The following CWC27 variants were observed in gnomAD, a reference collection of about 807,000 sequenced individuals.
CWC27 encodes spliceosome-associated protein CWC27 homolog.
A neutral mutation model predicts 63.6 loss-of-function variants in CWC27; 47 were observed. That is an observed-to-expected ratio of 0.74 (90% CI 0.58 to 0.94). The LOEUF is 0.94. CWC27 is among the 40% of genes least tolerant of loss of function. The pLI is 0.00. For missense variants in CWC27, 495 were observed against 554.3 expected (o/e 0.89, Z 1.07); for synonymous variants, 175 against 179.8 (o/e 0.97, Z 0.22).
At chr5:65,016,145 T>C (rs1237014269) in intron 13 of CWC27, among the ~76,000 whole-genome samples, 1 of 152,212 alleles carries the variant, frequency 6.6e-6, no homozygotes, top group Non-Finnish European at 1.5e-5. Flanking sequence ...TTGTCTTACT[T>C]TCAGAAGCTA....
At chr5:64,893,518 A>G (rs577794492) in intron 11 of CWC27, among the ~76,000 whole-genome samples, 2 of 152,344 alleles carry the variant, frequency 1.3e-5, no homozygotes, top group East Asian at 3.9e-4. Context: ...CAAATTCTGC[A>G]CATAAACTCC....
At chr5:64,837,878 C>T (rs1179447025) in intron 10 of CWC27, among the ~76,000 whole-genome samples, 1 of 152,040 alleles carries the variant, frequency 6.6e-6, no homozygotes, top group Admixed American at 6.6e-5. Context: ...CTTCAGAAGA[C>T]GTTTTAACCT....
At chr5:64,777,063 A>G (rs1171692623) in intron 2 of CWC27, among the ~76,000 whole-genome samples, 4 of 152,126 alleles carry the variant, frequency 2.6e-5, no homozygotes, top group Non-Finnish European at 5.9e-5. Context: ...TAGCTTTGAT[A>G]ATTTCATTAG....
intron 13 of CWC27, among the ~76,000 whole-genome samples, chr5:65,003,692 C>G (rs1282811936): frequency 6.6e-6 from 1 of 152,092 alleles, no homozygotes; most frequent in Non-Finnish European, 1.5e-5. Context: ...CTAGCAGTAT[C>G]TGTTTTCTTT....
At chr5:64,902,043 C>G (rs1189394586) in intron 11 of CWC27, among the ~76,000 whole-genome samples, 1 of 152,136 alleles carries the variant, frequency 6.6e-6, no homozygotes, top group Non-Finnish European at 1.5e-5. Flanking sequence ...GGAATACCTC[C>G]ATACGGACCT....
chr5:64,804,830 T>C (rs1744607075), intron 10 of CWC27: 1 of 152,920 alleles, frequency 6.5e-6, no homozygotes, highest in South Asian at 2.1e-4. Context: ...TCTTTTCAAG[T>C]CTGATTTACC....
chr5:64,925,357 T>C (rs569579933), intron 11 of CWC27, among the ~76,000 whole-genome samples: 4 of 152,318 alleles, frequency 2.6e-5, no homozygotes, highest in South Asian at 4.1e-4. Flanking sequence ...CCCAGCCTTA[T>C]TTGTTCCATT....
intron 10 of CWC27, among the ~76,000 whole-genome samples, chr5:64,881,757 A>G (rs1312826784): frequency 6.6e-6 from 1 of 152,154 alleles, no homozygotes; most frequent in Non-Finnish European, 1.5e-5. Flanking sequence ...AGTATCGTAA[A>G]CAGTCTATAC....
intron 10 of CWC27, among the ~76,000 whole-genome samples, chr5:64,818,788 T>C (rs1745115797): frequency 6.6e-6 from 1 of 152,232 alleles, no homozygotes. Context: ...CAGGATAACA[T>C]TGCAGTTATT....
At chr5:64,850,859 A>T (rs1746115216) in intron 10 of CWC27, among the ~76,000 whole-genome samples, 1 of 151,972 alleles carries the variant, frequency 6.6e-6, no homozygotes, top group African/African-American at 2.4e-5. Context: ...AACCATGATG[A>T]GATATCACCT....
intron 11 of CWC27, among the ~76,000 whole-genome samples, chr5:64,900,247 A>T (rs1384864811): frequency 6.6e-6 from 1 of 152,174 alleles, no homozygotes; most frequent in Non-Finnish European, 1.5e-5. Flanking sequence ...GTCACTTTCT[A>T]ATTTTAGCCA....
At chr5:64,899,717 A>G (rs1056860677) in intron 11 of CWC27, among the ~76,000 whole-genome samples, 17 of 152,198 alleles carry the variant, frequency 1.1e-4, no homozygotes. Context: ...TTTAAAGTGA[A>G]CTGTTTGACA....
At chr5:64,901,256 T>C (rs1423650908) in intron 11 of CWC27, among the ~76,000 whole-genome samples, 1 of 152,028 alleles carries the variant, frequency 6.6e-6, no homozygotes, top group Non-Finnish European at 1.5e-5. Context: ...ATAAAAGAGA[T>C]GGAGACCATC....
At chr5:64,899,930 G>A (rs1294108019) in intron 11 of CWC27, among the ~76,000 whole-genome samples, 2 of 151,938 alleles carry the variant, frequency 1.3e-5, no homozygotes, top group African/African-American at 2.4e-5. Context: ...GTACTTTTTT[G>A]TCTGACTTCT....
intron 10 of CWC27, among the ~76,000 whole-genome samples, chr5:64,826,695 G>GTTTTTTTT (rs750357983): frequency 1.2e-5 from 1 of 84,948 alleles, no homozygotes; most frequent in African/African-American, 4.8e-5. Context: ...TAACTTTGGT[G>GTTTTTTTT]TTTTTTTGTT....
intron 1 of CWC27, among the ~76,000 whole-genome samples, chr5:64,774,339 GT>G (rs1743365567): frequency 6.6e-6 from 1 of 152,114 alleles, no homozygotes; most frequent in African/African-American, 2.4e-5. Flanking sequence ...TAGAGACAGG[GT>G]CTGTCTGTGT....
chr5:64,862,013 G>A (rs568890641), intron 10 of CWC27, among the ~76,000 whole-genome samples: 37 of 152,336 alleles, frequency 2.4e-4, no homozygotes, highest in African/African-American at 6.3e-4. Flanking sequence ...AAAGTTTTGT[G>A]TGCAGAGCAC....
At chr5:64,800,613 A>G (rs539048227) in intron 8 of CWC27, among the ~76,000 whole-genome samples, 177 of 152,346 alleles carry the variant, frequency 1.2e-3, no homozygotes, top group Non-Finnish European at 1.9e-3. Context: ...TAACAGTGTA[A>G]TGCTTAATTC....
intron 10 of CWC27, among the ~76,000 whole-genome samples, chr5:64,856,600 A>T (rs1162837425): frequency 1.3e-5 from 2 of 152,008 alleles, no homozygotes; most frequent in Non-Finnish European, 2.9e-5. Context: ...TTTGTGACTT[A>T]TTGCTCTCTT....
Sources: gnomAD v4.1 joint callset for allele counts (sites outside exome capture counted in the v4.1 genomes callset) on GRCh38, gnomAD v4.1.1 for gene constraint, MANE v1.5 for transcripts, NCBI Gene and HGNC (gene_info 2026-07-23, HGNC 2026-07-21) for gene names.